Variants in BBS9 observed in about 807,000 individuals in gnomAD.
BBS9 encodes the protein protein PTHB1.
Under a neutral mutation model 117.7 loss-of-function variants are expected in BBS9, and 89 were observed. The ratio of observed to expected loss-of-function variants is 0.76; its 90% confidence interval spans 0.64 to 0.90. The LOEUF is 0.90. BBS9 is among the 40% of genes least tolerant of loss of function. The pLI is 0.00. For synonymous variants in BBS9, 379 were observed against 370.9 expected (o/e 1.02, Z -0.25); for missense variants, 982 against 1,042.2 (o/e 0.94, Z 0.80).
chr7:33,346,524 C>A (rs1817625885), intron 12 of BBS9, among the ~76,000 whole-genome samples: 1 of 152,144 alleles, frequency 6.6e-6, no homozygotes, highest in Non-Finnish European at 1.5e-5. Flanking sequence ...CCTTAATATT[C>A]TATAATTATT....
chr7:33,492,212 AACAAAAAAAAAAC>A lies in BBS9; in HGVS notation c.2116-13249_2116-13237del, dbSNP rs1433092592. On this transcript the variant is annotated intron_variant, in intron 19 of 22. Transcript: ENST00000242067. ...AGCAAGATTCCACCTCGAAAAAAAA[AACAAAAAAAAAAC>A]AAAAAAAAAACTTGGTTGAGTGTTT... Among the ~76,000 whole-genome samples, 258 of 144,992 alleles carry A rather than the reference AACAAAAAAAAAAC, an allele frequency of 1.8e-3. 7 individuals are homozygous for A. The highest frequency in any genetic ancestry group is 6.7e-3 in the African/African-American group (249 of 36,900).
intron 7 of BBS9, among the ~76,000 whole-genome samples, chr7:33,269,155 C>T (rs1799327399): frequency 1.3e-5 from 2 of 152,164 alleles, no homozygotes; most frequent in Admixed American, 6.5e-5. Context: ...TTTATACCTT[C>T]TTCAAATATT....
chr7:33,396,880 C>G (rs1828056997), intron 19 of BBS9, among the ~76,000 whole-genome samples: 1 of 152,078 alleles, frequency 6.6e-6, no homozygotes, highest in African/African-American at 2.4e-5. Context: ...CTTTGACAAA[C>G]CTGACAAAAA....
chr7:33,166,692 C>T (rs113841158), intron 4 of BBS9, among the ~76,000 whole-genome samples: 5,175 of 152,300 alleles, frequency 0.034, 298 homozygotes, highest in African/African-American at 0.12. Context: ...CCTAGCCAGG[C>T]GTGGGATATA....
chr7:33,262,819 A>C (rs1439518469), intron 6 of BBS9, among the ~76,000 whole-genome samples: 1 of 151,994 alleles, frequency 6.6e-6, no homozygotes, highest in African/African-American at 2.4e-5. Context: ...TAGAATTTTC[A>C]CTCATCCTTT....
At chr7:33,229,467 A>C (rs1374673720) in intron 5 of BBS9, among the ~76,000 whole-genome samples, 7 of 152,068 alleles carry the variant, frequency 4.6e-5, no homozygotes, top group Non-Finnish European at 8.8e-5. Context: ...TACATTCTGC[A>C]TATAAGTGAG....
intron 21 of BBS9, among the ~76,000 whole-genome samples, chr7:33,569,952 T>C (rs894766898): frequency 6.6e-6 from 1 of 152,112 alleles, no homozygotes; most frequent in Admixed American, 6.5e-5. Flanking sequence ...CTAATTACCA[T>C]CTCTAATAAA....
chr7:33,603,791 A>G (rs6966869), intron 21 of BBS9, among the ~76,000 whole-genome samples: 10,520 of 152,158 alleles, frequency 0.069, 635 homozygotes, highest in African/African-American at 0.16. Flanking sequence ...TTCTTATTTT[A>G]TGAGTGTGGA....
chr7:33,384,685 T>TGTGTGC (rs1454411438), intron 18 of BBS9, among the ~76,000 whole-genome samples: 2 of 150,310 alleles, frequency 1.3e-5, no homozygotes, highest in Non-Finnish European at 1.5e-5. Flanking sequence ...TTTAGGAGTG[T>TGTGTGC]GTGTGCATGT....
chr7:33,413,113 G>A (rs1222620507), intron 19 of BBS9, among the ~76,000 whole-genome samples: 1 of 152,118 alleles, frequency 6.6e-6, no homozygotes, highest in Admixed American at 6.5e-5. Context: ...TGGTAGTTCT[G>A]ATAGCCTTCA....
At chr7:33,151,899 C>T (rs1793404641) in intron 2 of BBS9, among the ~76,000 whole-genome samples, 1 of 147,586 alleles carries the variant, frequency 6.8e-6, no homozygotes, top group Non-Finnish European at 1.5e-5. Context: ...GTTCTTTCGC[C>T]CAGGCTAGAG....
At chr7:33,611,922 A>C (rs1864899893) in intron 21 of BBS9, among the ~76,000 whole-genome samples, 1 of 149,726 alleles carries the variant, frequency 6.7e-6, no homozygotes, top group Non-Finnish European at 1.5e-5. Context: ...TTAAGAAGTT[A>C]ACATTTCTTA....
chr7:33,187,240 A>T (rs1191659963), intron 5 of BBS9, among the ~76,000 whole-genome samples: 18 of 152,256 alleles, frequency 1.2e-4, no homozygotes, highest in Admixed American at 1.2e-3. Context: ...AACGTAGTAA[A>T]ATAAGATACT....
intron 5 of BBS9, among the ~76,000 whole-genome samples, chr7:33,218,562 G>C (rs143691181): frequency 6.6e-6 from 1 of 152,226 alleles, no homozygotes; most frequent in Non-Finnish European, 1.5e-5. Context: ...AGATAGGCGA[G>C]TATTCAGAAG....
chr7:33,599,149 A>G (rs909413469), intron 21 of BBS9, among the ~76,000 whole-genome samples: 1 of 152,208 alleles, frequency 6.6e-6, no homozygotes, highest in Admixed American at 6.5e-5. Flanking sequence ...TAAGAGGCCC[A>G]ATTCACCTGG....
intron 9 of BBS9, among the ~76,000 whole-genome samples, chr7:33,330,846 A>G (rs1210348537): frequency 6.6e-6 from 1 of 152,218 alleles, no homozygotes; most frequent in Non-Finnish European, 1.5e-5. Flanking sequence ...AATAATTCAG[A>G]GACCTTGATT....
chr7:33,398,056 A>T (rs1184553715), intron 19 of BBS9, among the ~76,000 whole-genome samples: 1 of 152,250 alleles, frequency 6.6e-6, no homozygotes, highest in African/African-American at 2.4e-5. Flanking sequence ...ATGTGAATGC[A>T]TTAATATACT....
At chr7:33,324,154 G>C (rs1353989573) in intron 9 of BBS9, among the ~76,000 whole-genome samples, 1 of 151,976 alleles carries the variant, frequency 6.6e-6, no homozygotes, top group African/African-American at 2.4e-5. Flanking sequence ...CTTCCTTTTA[G>C]TGAAAGTTAT....
chr7:33,542,790 TACACACACAC>T (rs368494839), intron 21 of BBS9, among the ~76,000 whole-genome samples: 13,325 of 134,172 alleles, frequency 0.099, 746 homozygotes, highest in African/African-American at 0.15. Flanking sequence ...TATATATATG[TACACACACAC>T]ACACACACAC....
Sources: gnomAD v4.1 joint callset for allele counts (sites outside exome capture counted in the v4.1 genomes callset) on GRCh38, gnomAD v4.1.1 for gene constraint, MANE v1.5 for transcripts, NCBI Gene and HGNC (gene_info 2026-07-23, HGNC 2026-07-21) for gene names.